The following MGAM variants were observed in gnomAD, a reference collection of about 807,000 sequenced individuals.
MGAM encodes the protein alpha-1,4-glucosidase.
Under a neutral mutation model 358.8 loss-of-function variants are expected in MGAM, and 253 were observed. The observed-to-expected ratio is 0.71, with a 90% CI of 0.64 to 0.78. The LOEUF (loss-of-function observed/expected upper bound fraction) is 0.78, where lower values mean the gene tolerates loss of function less well. MGAM is among the 30% of genes least tolerant of loss of function. The probability of loss-of-function intolerance (pLI) is 0.00; values close to 1 mark genes in which losing one functional copy is unlikely to be tolerated. For missense variants in MGAM, 3,080 were observed against 3,432.6 expected (o/e 0.90, Z 2.57); for synonymous variants, 1,105 against 1,227.1 (o/e 0.90, Z 2.08).
chr7:142,092,109 A>T, intron 58 of MGAM, 62 bp downstream of exon 58: 1 of 1,516,084 alleles, frequency 6.6e-7, no homozygotes, highest in South Asian at 1.2e-5. Context: ...GCCTACGTGT[A>T]TGTACCACTG....
chr7:142,037,568 G>A (rs79800475), intron 18 of MGAM, among the ~76,000 whole-genome samples: 3,591 of 152,224 alleles, frequency 0.024, 54 homozygotes, highest in Middle Eastern at 0.078. Flanking sequence ...CCTCAGGCAC[G>A]TATCAGGCTA....
In MGAM at chr7:142,021,110, G is replaced by C. The variant is rs562225821; in HGVS notation, c.558+27G>C. The C allele has an allele frequency of 2.6e-6, 4 of 1,517,048 alleles. No individual in the cohort carries two copies. In the East Asian group the frequency reaches 9.1e-5, roughly 34 times the overall value. 94.0% of individuals were successfully genotyped at this position (1,517,048 alleles called of 1,614,324 possible). A position where few individuals can be genotyped will look rare whatever the true frequency, so the allele number is the denominator to read the frequency against. On this transcript the variant is annotated intron_variant, in intron 5 of 70. Coordinates refer to ENST00000475668, the MANE Select transcript of MGAM (RefSeq NM_001365693.1). ...TTGTAATTTGTTTATTTTTTTTTAAGTTTTTTTGAGAGACTTTTATTCCCT... is the reference window on the plus strand; with the variant it reads ...TTGTAATTTGTTTATTTTTTTTTAACTTTTTTTGAGAGACTTTTATTCCCT...
chr7:142,006,742 A>G (rs1033156118), intron 2 of MGAM, among the ~76,000 whole-genome samples: 1 of 152,186 alleles, frequency 6.6e-6, no homozygotes, highest in Admixed American at 6.5e-5. Flanking sequence ...TGGTACCCGT[A>G]GAGCAGAAAG....
At position 142,074,086 on chromosome 7, in the gene MGAM, C is replaced by T. The variant is rs773318610; in HGVS notation, c.5188C>T (p.Arg1730Ter). Reference sequence around the variant, plus strand: ...TCTCTTGAATCTTGTTCCCCACAGTCGAAAGAACCCTCTTGGTCTTATTAT... The same window carrying T: ...TCTCTTGAATCTTGTTCCCCACAGTTGAAAGAACCCTCTTGGTCTTATTAT... ...QEPALNTHLS[R>*]KNPLGLIIAL... Residue 1730 changes from arginine to a stop codon, truncating the protein, a stop_gained and splice_region_variant, in exon 45 of 71, where the codon CGA (arginine) becomes TGA (stop). Coordinates refer to ENST00000475668, the MANE Select transcript of MGAM (RefSeq NM_001365693.1). LOFTEE classifies it high-confidence loss of function. 172 of 1,533,328 alleles carry T rather than the reference C, an allele frequency of 1.1e-4. 22 individuals are homozygous for T. Among genetic ancestry groups the T allele is most frequent in the Non-Finnish European group, 1.4e-4 (159 of 1,116,028 alleles). The allele number at this position is 1,533,328 out of a possible 1,614,324, so 95.0% of individuals were successfully genotyped here. A position where few individuals can be genotyped will look rare whatever the true frequency, so the allele number is the denominator to read the frequency against.
At position 142,063,627 on chromosome 7, in the gene MGAM, G is replaced by A. The variant is rs370357073; in HGVS notation, c.4345+41G>A. The A allele has an allele frequency of 3.1e-6, 5 of 1,599,396 alleles. No individual in the cohort carries two copies. The African/African-American group carries it at 6.7e-5, about 21-fold the overall frequency. On this transcript the variant is annotated intron_variant, in intron 36 of 70. Coordinates refer to ENST00000475668, the MANE Select transcript of MGAM (RefSeq NM_001365693.1). ...CTCCTTGACTGGCAGAGCCATGACT[G>A]GAAGGATTACACTGGAGGAGCCCGA...
Position 142,046,414 on chromosome 7 carries a change from A to G in MGAM, c.2499-1371A>G, listed in dbSNP as rs140919093. Among the ~76,000 whole-genome samples, 19 of 151,730 alleles carry G rather than the reference A, an allele frequency of 1.3e-4. No homozygotes were observed. The East Asian group carries it at 3.3e-3, about 26-fold the overall frequency. On this transcript the variant is annotated intron_variant, in intron 21 of 70. Coordinates refer to ENST00000475668, the MANE Select transcript of MGAM (RefSeq NM_001365693.1). The stretch of plus-strand genomic sequence containing the variant: ...AACTGTGGGTCTCATTCCTCCAGAG[A>G]TGATTTGCCTTCTCCTCTGTGTGCA...
At position 142,082,804 on chromosome 7, in the gene MGAM, A is replaced by C. The variant is rs1044223317; in HGVS notation, c.6268+233A>C. ...AAAATCACATAAGAAGGGATAGTAAAACCACATGGGTCCCAAATGTCTTGG... is the reference window on the plus strand; with the variant it reads ...AAAATCACATAAGAAGGGATAGTAACACCACATGGGTCCCAAATGTCTTGG... On this transcript the variant is annotated intron_variant, in intron 52 of 70. Coordinates refer to ENST00000475668, the MANE Select transcript of MGAM (RefSeq NM_001365693.1). Among the ~76,000 whole-genome samples the C allele has an allele frequency of 7.9e-4, 115 of 146,306 alleles. 4 individuals are homozygous for C. The highest frequency in any genetic ancestry group is 2.4e-3 in the African/African-American group (101 of 41,242).
At chr7:142,079,115 G>C (rs1359398100) in intron 49 of MGAM, 107 bp downstream of exon 49, 1 of 1,008,202 alleles carries the variant, frequency 9.9e-7, no homozygotes, top group African/African-American at 1.5e-5. Flanking sequence ...TGCTACATTA[G>C]ACTATGTCAT....
intron 68 of MGAM, among the ~76,000 whole-genome samples, chr7:142,101,990 C>A (rs1008712782): frequency 1.3e-5 from 2 of 150,858 alleles, no homozygotes; most frequent in African/African-American, 4.9e-5. Context: ...GTGTGACAGC[C>A]ACGAGGGCAG....
Position 142,045,952 on chromosome 7 carries a change from T to C in MGAM, c.2499-1833T>C. Among the ~76,000 whole-genome samples, 2 of 120,152 alleles carry C rather than the reference T, an allele frequency of 1.7e-5. 1 individual carries two copies. The highest frequency in any genetic ancestry group is 4.4e-4 in the East Asian group (2 of 4,502). The allele number at this position is 120,152 out of a possible 152,430, so 78.8% of individuals were successfully genotyped here. ...TATACATACAATATGTAATATATATTATGTATACATACAATATGTAATATA... is the reference window on the plus strand; with the variant it reads ...TATACATACAATATGTAATATATATCATGTATACATACAATATGTAATATA... On this transcript the variant is annotated intron_variant, in intron 21 of 70. Transcript: ENST00000475668.
intron 21 of MGAM, among the ~76,000 whole-genome samples, chr7:142,047,078 A>T (rs1810472574): frequency 6.6e-6 from 1 of 152,184 alleles, no homozygotes; most frequent in Non-Finnish European, 1.5e-5. Flanking sequence ...ATATGAGACC[A>T]GTGACAGAGG....
At chr7:142,047,676 A>G in intron 21 of MGAM, 109 bp from the exon 22 acceptor site, 1 of 995,736 alleles carries the variant, frequency 1.0e-6, no homozygotes. Flanking sequence ...AAGCAGAACC[A>G]TCTGCTGCTA....
chr7:142,063,242 A>G (rs1812402482), intron 35 of MGAM, among the ~76,000 whole-genome samples: 1 of 151,770 alleles, frequency 6.6e-6, no homozygotes. Context: ...GAGGCAATTT[A>G]CTAGGAATTT....
In MGAM at chr7:142,034,844, G is replaced by T; in HGVS notation, c.1959+3G>T. ...TCAACCTTTTTGGCATCCCAATGGT[G>T]AGCTGCTACCTCAAGCTCTCTTATG... On this transcript the variant is annotated splice_donor_region_variant and intron_variant, in intron 16 of 70. Coordinates refer to ENST00000475668, the MANE Select transcript of MGAM (RefSeq NM_001365693.1). The T allele has an allele frequency of 6.2e-7, 1 of 1,610,048 alleles. No homozygotes were observed. Among genetic ancestry groups the T allele is most frequent in the Non-Finnish European group, 8.5e-7 (1 of 1,177,570 alleles).
chr7:142,087,950 T>G (rs1814909215), intron 57 of MGAM, among the ~76,000 whole-genome samples: 1 of 146,206 alleles, frequency 6.8e-6, no homozygotes, highest in Non-Finnish European at 1.5e-5. Flanking sequence ...ACCAGGAATG[T>G]GACTGGTGAT....
chr7:142,008,485 T>G, intron 2 of MGAM, 21 bp from the exon 3 acceptor site: 2 of 1,585,652 alleles, frequency 1.3e-6, no homozygotes, highest in Non-Finnish European at 1.7e-6. Flanking sequence ...AATGGTCTTT[T>G]TATGTTTGCT....
chr7:142,090,298 A>C (rs573041490), intron 57 of MGAM, among the ~76,000 whole-genome samples: 1 of 145,906 alleles, frequency 6.9e-6, no homozygotes, highest in Non-Finnish European at 1.6e-5. Context: ...TGTACCCCAT[A>C]TGGGATACAA....
At chr7:142,068,481 T>C (rs1585051488) in intron 42 of MGAM, among the ~76,000 whole-genome samples, 166 bp from the exon 43 acceptor site, 2 of 145,896 alleles carry the variant, frequency 1.4e-5, no homozygotes, top group African/African-American at 4.9e-5. Context: ...AATCTCTGGT[T>C]TAAAAAAGAA....
At position 142,008,604 on chromosome 7, in the gene MGAM, CCAGATCCTGGA is replaced by C; in HGVS notation, c.227_237del (p.Pro76HisfsTer10). 2 of 1,613,406 alleles carry C rather than the reference CCAGATCCTGGA, an allele frequency of 1.2e-6. No individual in the cohort carries two copies. Among genetic ancestry groups the C allele is most frequent in the Non-Finnish European group, 8.5e-7 (1 of 1,179,594 alleles). Reference sequence around the variant, plus strand: ...CACACATGCTAGGACAACGGGTCCCCCAGATCCTGGAACAACTGGTACCACTCCTGTTTCTG... The same window carrying C: ...CACACATGCTAGGACAACGGGTCCCCACAACTGGTACCACTCCTGTTTCTG... On this transcript the variant is annotated frameshift_variant, in exon 3 of 71. Transcript: ENST00000475668. LOFTEE classifies it high-confidence loss of function.
Sources: allele counts gnomAD v4.1 joint callset (sites outside exome capture counted in the v4.1 genomes callset), GRCh38; gene constraint gnomAD v4.1.1; transcripts MANE v1.5; gene names NCBI Gene and HGNC (gene_info 2026-07-23, HGNC 2026-07-21).